ALDH3A1: variants seen among roughly 807,000 people sequenced by gnomAD.
ALDH3A1 encodes aldehyde dehydrogenase, dimeric NADP-preferring.
ALDH3A1 carries 46 observed loss-of-function variants against 49.9 expected under a neutral mutation model. That is an observed-to-expected ratio of 0.92 (90% CI 0.73 to 1.18). ALDH3A1 has a LOEUF of 1.18. Ranked by LOEUF, ALDH3A1 falls within the 50% of genes most tolerant of loss-of-function variation. The probability of loss-of-function intolerance (pLI) is 0.00; values close to 1 mark genes in which losing one functional copy is unlikely to be tolerated. For synonymous variants in ALDH3A1, 269 were observed against 253.3 expected (o/e 1.06, Z -0.59); for missense variants, 592 against 611.8 (o/e 0.97, Z 0.34).
chr17:19,746,996 C>A (rs974263602), intron 1 of ALDH3A1, among the ~76,000 whole-genome samples: 1 of 152,160 alleles, frequency 6.6e-6, no homozygotes, highest in Non-Finnish European at 1.5e-5. Context: ...GCTCCATCAG[C>A]TGTCAGGTGC....
At chr17:19,740,248 T>G in intron 7 of ALDH3A1, 88 bp downstream of exon 7, 1 of 1,560,024 alleles carries the variant, frequency 6.4e-7, no homozygotes, top group Non-Finnish European at 8.7e-7. Context: ...CGTGTCCGCT[T>G]ATCAAGCATC....
chr17:19,743,823 G>C lies in ALDH3A1; in HGVS notation c.163-360C>G, dbSNP rs1355926025. The C allele has an allele frequency of 2.3e-5, 23 of 980,932 alleles. No homozygotes were observed. The highest frequency in any genetic ancestry group is 2.8e-5 in the Non-Finnish European group (23 of 826,724). The allele number at this position is 980,932 out of a possible 1,614,324, so 60.8% of individuals were successfully genotyped here. On this transcript the variant is annotated intron_variant, in intron 2 of 10. Transcript: ENST00000225740. The surrounding 1 kb of genome is among the most constrained non-coding windows in gnomAD (Gnocchi z 4.4). ...GATCCGGGGAGGGGGGGATGGATCC[G>C]GGGAGGGGGGATAGATTCGGGCACT...
chr17:19,742,318 G>T, intron 4 of ALDH3A1, 106 bp from the exon 5 acceptor site: 1 of 1,300,128 alleles, frequency 7.7e-7, no homozygotes. Flanking sequence ...CCGAAGCTCA[G>T]CACCCCACCT....
intron 9 of ALDH3A1, 135 bp downstream of exon 9, chr17:19,738,861 G>A (rs2086436150): frequency 1.3e-6 from 1 of 742,738 alleles, no homozygotes; most frequent in East Asian, 2.7e-5. Context: ...GCACGCAGAG[G>A]CCAAGGTCCA....
chr17:19,741,076 A>G lies in ALDH3A1; in HGVS notation c.807+17T>C. The G allele has an allele frequency of 6.2e-7, 1 of 1,604,212 alleles. No individual in the cohort carries two copies. Among genetic ancestry groups the G allele is most frequent in the Non-Finnish European group, 8.5e-7 (1 of 1,171,026 alleles). On this transcript the variant is annotated intron_variant, in intron 6 of 10. Transcript: ENST00000225740. ...TTACAGCCTCTCATCCCACCCTGCC[A>G]AGGGGTCAACACTCACTTTCAGTGA...
At chr17:19,744,639 G>A in intron 2 of ALDH3A1, 1 of 985,412 alleles carries the variant, frequency 1.0e-6, no homozygotes, top group Non-Finnish European at 1.2e-6. Flanking sequence ...GGTTCCTGGT[G>A]TGGAGAACCA....
At chr17:19,742,396 T>G in intron 4 of ALDH3A1, 149 bp downstream of exon 4, 1 of 1,091,966 alleles carries the variant, frequency 9.2e-7, no homozygotes, top group Non-Finnish European at 1.3e-6. Flanking sequence ...TTCACCCCAA[T>G]GAGAGAGGGC....
At chr17:19,744,142 A>AGC in intron 2 of ALDH3A1, 1 of 984,674 alleles carries the variant, frequency 1.0e-6, no homozygotes, top group Non-Finnish European at 1.2e-6. Context: ...TCATGCCTGT[A>AGC]ATCCCAGCAC....
In ALDH3A1 at chr17:19,740,385, G is replaced by A. The variant is rs137909977; in HGVS notation, c.900C>T (p.Gly300=). The A allele has an allele frequency of 2.5e-6, 4 of 1,614,086 alleles. No individual in the cohort carries two copies. The South Asian group carries it at 4.4e-5, about 18-fold the overall frequency. ...HFQRVMGLIE[G]QKVAYGGTGD... ...CGGTGCCCCCATAAGCCACCTTCTG[G>A]CCCTCAATCAGGCCCATCACCCTCT... Residue 300 remains glycine (G), a synonymous_variant, in exon 7 of 11, where the codon GGC becomes GGT. Transcript: ENST00000225740.
chr17:19,745,166 G>A, intron 1 of ALDH3A1, 32 bp from the exon 2 acceptor site: 2 of 1,534,710 alleles, frequency 1.3e-6, no homozygotes, highest in South Asian at 2.4e-5. Flanking sequence ...AGCTGGCTGA[G>A]GGGCACGAGC....
intron 2 of ALDH3A1, 73 bp downstream of exon 2, chr17:19,744,895 T>TACCCCCCC: frequency 3.2e-6 from 3 of 924,176 alleles, no homozygotes; most frequent in Non-Finnish European, 4.2e-6. Flanking sequence ...GGTCGCACTC[T>TACCCCCCC]CCCCAGCCCC....
Position 19,745,076 on chromosome 17 carries a change from G to A in ALDH3A1, c.54C>T (p.Gly18=). Residue 18 remains glycine (G), a synonymous_variant, in exon 2 of 11, where the codon GGC becomes GGT. Transcript: ENST00000225740. ...VKRARAAFSS[G]RTRPLQFRIQ... ...TCCGGAACTGCAGCGGACGGGTCCT[G>A]CCCGAGCTGAAGGCGGCGCGGGCGC... 4 of 1,594,626 alleles carry A rather than the reference G, an allele frequency of 2.5e-6. No individual in the cohort carries two copies. The highest frequency in any genetic ancestry group is 3.4e-6 in the Non-Finnish European group (4 of 1,176,766).
In ALDH3A1 at chr17:19,743,045, G is replaced by A. The variant is rs1341872548; in HGVS notation, c.394+187C>T. ...TCTGTATCACCAGGTGTGGACACCT[G>A]AGCCTGACTGGACCTCAGGCACCAA... On this transcript the variant is annotated intron_variant, in intron 3 of 10. Coordinates refer to ENST00000225740, the MANE Select transcript of ALDH3A1 (RefSeq NM_000691.5). This position sits in a 1 kb window ranked among gnomAD's most constrained non-coding sequence, Gnocchi z 4.4. 1 of 1,533,108 alleles carries A rather than the reference G, an allele frequency of 6.5e-7. No individual in the cohort carries two copies. Among genetic ancestry groups the A allele is most frequent in the Non-Finnish European group, 8.7e-7 (1 of 1,145,726 alleles). The allele number at this position is 1,533,108 out of a possible 1,614,324, so 95.0% of individuals were successfully genotyped here. A position where few individuals can be genotyped will look rare whatever the true frequency, so the allele number is the denominator to read the frequency against.
At chr17:19,746,317 TGA>T (rs1185809131) in intron 1 of ALDH3A1, among the ~76,000 whole-genome samples, 1 of 151,994 alleles carries the variant, frequency 6.6e-6, no homozygotes, top group Non-Finnish European at 1.5e-5. Flanking sequence ...TGAACCAAGC[TGA>T]GAGGAGGAGG....
intron 1 of ALDH3A1, chr17:19,745,598 A>G (rs2086585672): frequency 6.5e-6 from 1 of 154,140 alleles, no homozygotes; most frequent in Non-Finnish European, 1.4e-5. Context: ...TGGCTAAGCC[A>G]TTGTTCTAAA....
chr17:19,746,584 A>G lies in ALDH3A1; in HGVS notation c.-5-1450T>C, dbSNP rs114473912. Among the ~76,000 whole-genome samples, 677 of 152,204 alleles carry G rather than the reference A, an allele frequency of 4.4e-3. 3 individuals carry two copies. Among genetic ancestry groups the G allele is most frequent in the African/African-American group, 0.016 (657 of 41,540 alleles). On this transcript the variant is annotated intron_variant, in intron 1 of 10. Coordinates refer to ENST00000225740, the MANE Select transcript of ALDH3A1 (RefSeq NM_000691.5). The stretch of plus-strand genomic sequence containing the variant: ...GAAAGAAAAACAGAAAACAAGTTAC[A>G]GAACAACAGATGTACCAGGCGTGTG...
rs1441500370 is a variant in ALDH3A1, at chr17:19,743,520, C to T, written c.163-57G>A. ...GGCCAGGGCCCGCCTGCAGCTGGGG[C>T]GAGTGGGGAGCCCCACTGCTCAGCT... On this transcript the variant is annotated intron_variant, in intron 2 of 10. Coordinates refer to ENST00000225740, the MANE Select transcript of ALDH3A1 (RefSeq NM_000691.5). This position sits in a 1 kb window ranked among gnomAD's most constrained non-coding sequence, Gnocchi z 4.4. 33 of 1,534,152 alleles carry T rather than the reference C, an allele frequency of 2.2e-5. 1 individual carries two copies. The highest frequency in any genetic ancestry group is 1.1e-4 in the South Asian group (9 of 78,384).
Position 19,738,055 on chromosome 17 carries a change from C to G in ALDH3A1, c.*166G>C, listed in dbSNP as rs757438230. On this transcript the variant is annotated 3_prime_UTR_variant, in exon 11 of 11. Transcript: ENST00000225740. ...GGGGTGGAGACTTGGAATGGTGAGG[C>G]CTGGGCCCATGTGGGAGTGGGGTGT... 1 of 1,546,012 alleles carries G rather than the reference C, an allele frequency of 6.5e-7. No individual in the cohort carries two copies. The highest frequency in any genetic ancestry group is 1.2e-5 in the South Asian group (1 of 85,314).
rs368399148 is a variant in ALDH3A1 at position 19,742,172 on chromosome 17, G to A, written c.521C>T (p.Thr174Met). 21 of 1,613,926 alleles carry A rather than the reference G, an allele frequency of 1.3e-5. No individual in the cohort carries two copies. The highest frequency in any genetic ancestry group is 6.7e-5 in the East Asian group (3 of 44,888). Residue 174 changes from threonine to methionine, a missense_variant, in exon 5 of 11, where the codon ACG (threonine) becomes ATG (methionine). Thr to Met is a moderately conservative substitution (Grantham distance 81, BLOSUM62 -1). Coordinates refer to ENST00000225740, the MANE Select transcript of ALDH3A1 (RefSeq NM_000691.5). Reference sequence around the variant, plus strand: ...GTCGAACCTCTCCTTGAGCAGCTCCGTGGTCTCAGGGACACCCCCATTGAT... The same window carrying A: ...GTCGAACCTCTCCTTGAGCAGCTCCATGGTCTCAGGGACACCCCCATTGAT... ...PVINGGVPET[T>M]ELLKERFDHI...
Sources: gnomAD v4.1 joint callset for allele counts (sites outside exome capture counted in the v4.1 genomes callset) on GRCh38, gnomAD v4.1.1 for gene constraint, Gnocchi (gnomAD v3.1) non-coding constraint, MANE v1.5 for transcripts, NCBI Gene and HGNC (gene_info 2026-07-23, HGNC 2026-07-21) for gene names.